The following L3MBTL3 variants were observed in gnomAD, a reference collection of about 807,000 sequenced individuals.
The protein encoded by L3MBTL3 is L3MBTL histone methyl-lysine binding protein 3, also known as lethal(3)malignant brain tumor-like protein 3.
L3MBTL3 carries 27 observed loss-of-function variants against 102.3 expected under a neutral mutation model. That is an observed-to-expected ratio of 0.26 (90% CI 0.19 to 0.36). The LOEUF is 0.36. Ranked by LOEUF, L3MBTL3 falls within the 10% of genes least tolerant of loss-of-function variation. L3MBTL3 has a pLI of 1.00. For missense variants in L3MBTL3, 798 were observed against 955.3 expected, an observed-to-expected ratio of 0.84 and a Z score of 2.17; for synonymous variants, 340 against 320.9, an observed-to-expected ratio of 1.06 and a Z score of -0.64.
chr6:130,129,848 G>C (rs1786888150), intron 20 of L3MBTL3, among the ~76,000 whole-genome samples: 1 of 152,164 alleles, frequency 6.6e-6, no homozygotes, highest in South Asian at 2.1e-4. Context: ...ACTGGAGCCA[G>C]AGTCTATTTG....
intron 3 of L3MBTL3, among the ~76,000 whole-genome samples, chr6:130,048,967 C>CACACACACACACAT (rs71678245): frequency 0.057 from 8,522 of 150,458 alleles, 324 homozygotes; most frequent in Middle Eastern, 0.08. Flanking sequence ...CACACACACA[C>CACACACACACACAT]ACATACACAC....
At position 130,066,286 on chromosome 6, in the gene L3MBTL3, G is replaced by GTATATATATATATATATA. The variant is rs148263906; in HGVS notation, c.865-50_865-49insATATATATATATATATAT. Reference sequence around the variant, plus strand: ...GCCTGGTGTCCATGTTTATTTTTGTGTATATATATATATATATGAATATTC... The same window carrying GTATATATATATATATATA: ...GCCTGGTGTCCATGTTTATTTTTGTGTATATATATATATATATATATATATATATATATATGAATATTC... On this transcript the variant is annotated intron_variant, in intron 10 of 22. Transcript: ENST00000361794. 9.2e-3 allele frequency: 3,546 copies of GTATATATATATATATATA among 386,656 alleles called. 61 individuals carry two copies. Among genetic ancestry groups the GTATATATATATATATATA allele is most frequent in the East Asian group, 0.027 (371 of 13,830 alleles). The allele number at this position is 386,656 out of a possible 1,614,324, so 24.0% of individuals were successfully genotyped here. A position where few individuals can be genotyped will look rare whatever the true frequency, so the allele number is the denominator to read the frequency against.
At chr6:130,020,095 G>A (rs1322764859) in intron 1 of L3MBTL3, among the ~76,000 whole-genome samples, 1 of 150,962 alleles carries the variant, frequency 6.6e-6, no homozygotes, top group African/African-American at 2.4e-5. Context: ...CTTATTCTGG[G>A]GAGGAAAAGA....
chr6:130,045,357 T>G (rs1780663511), intron 3 of L3MBTL3, among the ~76,000 whole-genome samples: 1 of 152,196 alleles, frequency 6.6e-6, no homozygotes, highest in South Asian at 2.1e-4. Context: ...CACTGGGCTA[T>G]CGCATGCTTA....
chr6:130,104,430 G>A lies in L3MBTL3; in HGVS notation c.1741G>A (p.Ala581Thr). The change falls in exon 19 of 23, where the codon GCC becomes ACC. Residue 581 changes from alanine (A) to threonine (T), a missense_variant. This residue lies in a region of L3MBTL3 where 306 missense variants were observed against 314.4 expected (regional missense o/e 0.97). Transcript: ENST00000361794. ...RARHLGPHSAANCPYSEINLN... is the reference protein window; with the variant it reads ...RARHLGPHSATNCPYSEINLN... ...TCTTTTCTTTTAATCTGTTAGTGCT[G>A]CCAACTGTCCCTATTCAGAAATCAA... is the stretch of plus-strand genomic sequence containing the variant. The A allele has an allele frequency of 6.5e-7, 1 of 1,533,608 alleles. No individual in the cohort carries two copies. Among genetic ancestry groups the A allele is most frequent in the South Asian group, 1.4e-5 (1 of 73,718 alleles).
rs199734515 is a variant in L3MBTL3, at chr6:130,057,478, C to T, written c.740C>T (p.Pro247Leu). The change falls in exon 9 of 23, where the codon CCG becomes CTG. Residue 247 changes from proline to leucine, a missense_variant. Transcript: ENST00000361794. ...YLEEEKAVAV[P>L]AKLFKEHQSF... is the part of the protein sequence containing the mutation. Reference sequence around the variant, plus strand: ...GAAGAGGAGAAAGCGGTGGCAGTGCCGGCGAAGCTGTTCAAGGAGGTACGG... The same window carrying T: ...GAAGAGGAGAAAGCGGTGGCAGTGCTGGCGAAGCTGTTCAAGGAGGTACGG... The T allele has an allele frequency of 5.2e-5, 83 of 1,609,266 alleles. No individual in the cohort carries two copies. The East Asian group carries it at 7.8e-4, about 15-fold the overall frequency.
At chr6:130,064,872 A>G (rs1782146397) in intron 10 of L3MBTL3, among the ~76,000 whole-genome samples, 1 of 152,250 alleles carries the variant, frequency 6.6e-6, no homozygotes, top group Admixed American at 6.5e-5. Flanking sequence ...GCAGAAGCTC[A>G]GAACGGTGTG....
Position 130,050,061 on chromosome 6 carries a change from TTCTA to T in L3MBTL3, c.289+238_289+241del, listed in dbSNP as rs1206829930. ...CCTAATATGTCTCAGATCTGGCCTT[TTCTA>T]TCTATCATCTTTGCCATGGCCTTAA... On this transcript the variant is annotated intron_variant, in intron 5 of 22. Transcript: ENST00000361794. Among the ~76,000 whole-genome samples the T allele has an allele frequency of 2.0e-5, 3 of 152,210 alleles. No homozygotes were observed. In the East Asian group the frequency reaches 5.8e-4, roughly 29 times the overall value.
chr6:130,069,653 A>G (rs1421522710), intron 12 of L3MBTL3, among the ~76,000 whole-genome samples: 2 of 152,166 alleles, frequency 1.3e-5, no homozygotes, highest in East Asian at 1.9e-4. Context: ...TTGGGTGGAA[A>G]ACTTAGCAGC....
At chr6:130,085,403 T>C (rs997251555) in intron 15 of L3MBTL3, among the ~76,000 whole-genome samples, 2 of 152,196 alleles carry the variant, frequency 1.3e-5, no homozygotes, top group Admixed American at 1.3e-4. Flanking sequence ...TTTTGGTGTC[T>C]CATCTCAGCC....
intron 12 of L3MBTL3, among the ~76,000 whole-genome samples, chr6:130,068,890 T>C (rs1782447508): frequency 6.6e-6 from 1 of 152,186 alleles, no homozygotes; most frequent in Admixed American, 6.6e-5. Flanking sequence ...GTGTCTTTTC[T>C]ACTTGACCGG....
chr6:130,076,432 T>C (rs1782953636), intron 13 of L3MBTL3, among the ~76,000 whole-genome samples: 1 of 152,216 alleles, frequency 6.6e-6, no homozygotes, highest in Non-Finnish European at 1.5e-5. Flanking sequence ...TCATGTCTCC[T>C]AACTTTATCC....
At chr6:130,056,175 G>A (rs1298896210) in intron 8 of L3MBTL3, among the ~76,000 whole-genome samples, 5 of 152,066 alleles carry the variant, frequency 3.3e-5, no homozygotes, top group South Asian at 4.1e-4. Context: ...CCATCTGCCC[G>A]TGTCTACCTC....
intron 10 of L3MBTL3, among the ~76,000 whole-genome samples, chr6:130,062,792 T>C (rs1781984580): frequency 6.6e-6 from 1 of 151,100 alleles, no homozygotes; most frequent in African/African-American, 2.4e-5. Context: ...ATCTTCATTT[T>C]TTCATTATTC....
intron 2 of L3MBTL3, among the ~76,000 whole-genome samples, chr6:130,024,356 T>A (rs1381324148): frequency 6.6e-6 from 1 of 152,160 alleles, no homozygotes; most frequent in Non-Finnish European, 1.5e-5. Flanking sequence ...GATTTGATGC[T>A]ACTGAACCTG....
At chr6:130,055,326 T>A in intron 8 of L3MBTL3, 71 bp downstream of exon 8, 1 of 1,132,718 alleles carries the variant, frequency 8.8e-7, no homozygotes, top group East Asian at 2.4e-5. Context: ...GGTGGAAATT[T>A]TAGTCATGCC....
rs1367108258 is a variant in L3MBTL3, at chr6:130,026,377, G to A, written c.-16+4072G>A. Among the ~76,000 whole-genome samples, 10 of 152,052 alleles carry A rather than the reference G, an allele frequency of 6.6e-5. No individual in the cohort carries two copies. In the East Asian group the frequency reaches 1.7e-3, roughly 26 times the overall value. ...TTGTTCATATCATGCAGTTTGAAAGGGGTGGAATCAGGGAAAATGATACTG... is the reference window on the plus strand; with the variant it reads ...TTGTTCATATCATGCAGTTTGAAAGAGGTGGAATCAGGGAAAATGATACTG... On this transcript the variant is annotated intron_variant, in intron 2 of 22. Transcript: ENST00000361794.
At chr6:130,023,937 C>T (rs940250335) in intron 2 of L3MBTL3, among the ~76,000 whole-genome samples, 1 of 152,096 alleles carries the variant, frequency 6.6e-6, no homozygotes, top group Non-Finnish European at 1.5e-5. Flanking sequence ...AGACCATGCT[C>T]TAACATGGTG....
intron 7 of L3MBTL3, among the ~76,000 whole-genome samples, chr6:130,054,113 C>A (rs1781299561): frequency 6.6e-6 from 1 of 152,152 alleles, no homozygotes; most frequent in African/African-American, 2.4e-5. Context: ...GAGGAGTCAG[C>A]TATGTGAAGT....
Sources: allele counts gnomAD v4.1 joint callset (sites outside exome capture counted in the v4.1 genomes callset), GRCh38; gene constraint gnomAD v4.1.1; regional missense constraint gnomAD v4.1.1; transcripts MANE v1.5; gene names NCBI Gene and HGNC (gene_info 2026-07-23, HGNC 2026-07-21).